The following SNX25 variants were observed in gnomAD, a reference collection of about 807,000 sequenced individuals.
SNX25 encodes sorting nexin 25, also known as sorting nexin-25.
Under a neutral mutation model 113.7 loss-of-function variants are expected in SNX25, and 62 were observed. That is an observed-to-expected ratio of 0.55 (90% CI 0.44 to 0.67). The LOEUF is 0.67. SNX25 is among the 30% of genes least tolerant of loss of function. The pLI, the probability that SNX25 is intolerant of heterozygous loss-of-function variation, is 0.00. For synonymous variants in SNX25, 421 were observed against 436.2 expected (o/e 0.97, Z 0.43); for missense variants, 1,014 against 1,161.0 (o/e 0.87, Z 1.84).
At chr4:185,360,950 T>TATATATATATATATAGATAG (rs1048534398) in intron 16 of SNX25, among the ~76,000 whole-genome samples, 1,783 of 141,368 alleles carry the variant, frequency 0.013, 26 homozygotes, top group African/African-American at 0.039. Context: ...TATATATATA[T>TATATATATATATATAGATAG]ATAGAATCTG....
intron 5 of SNX25, among the ~76,000 whole-genome samples, chr4:185,287,100 T>G (rs1751449394): frequency 6.6e-6 from 1 of 152,224 alleles, no homozygotes; most frequent in Non-Finnish European, 1.5e-5. Context: ...ACCACTTTGA[T>G]TAGGGCAATA....
At chr4:185,341,723 C>G (rs1579856607) in intron 11 of SNX25, among the ~76,000 whole-genome samples, 1 of 152,090 alleles carries the variant, frequency 6.6e-6, no homozygotes, top group Non-Finnish European at 1.5e-5. Flanking sequence ...TTCTGACTTC[C>G]TTTCGTATCA....
At chr4:185,231,604 G>A (rs1037207172) in intron 1 of SNX25, among the ~76,000 whole-genome samples, 11 of 151,726 alleles carry the variant, frequency 7.2e-5, no homozygotes, top group South Asian at 2.1e-4. Context: ...CCAGCTACTC[G>A]GGAGGCTGAG....
intron 6 of SNX25, among the ~76,000 whole-genome samples, chr4:185,302,249 TA>T (rs1753807875): frequency 6.6e-6 from 1 of 152,110 alleles, no homozygotes; most frequent in East Asian, 1.9e-4. Context: ...TAAATGCAAG[TA>T]AGAGTTTCCC....
intron 6 of SNX25, among the ~76,000 whole-genome samples, chr4:185,297,560 T>A (rs1753002293): frequency 6.6e-6 from 1 of 152,194 alleles, no homozygotes; most frequent in Non-Finnish European, 1.5e-5. Flanking sequence ...TCTGTCTCAG[T>A]CAATTCAGGC....
chr4:185,359,887 G>A, intron 16 of SNX25, among the ~76,000 whole-genome samples: 1 of 152,216 alleles, frequency 6.6e-6, no homozygotes, highest in Non-Finnish European at 1.5e-5. Flanking sequence ...CACATGTAGA[G>A]GATTTCCAGG....
intron 1 of SNX25, among the ~76,000 whole-genome samples, chr4:185,225,826 G>C (rs1279645344): frequency 1.3e-5 from 2 of 152,106 alleles, no homozygotes; most frequent in African/African-American, 4.8e-5. Context: ...ATGTGCTCAG[G>C]CTATAAAATC....
chr4:185,342,538 C>CA (rs1397895718), intron 12 of SNX25, among the ~76,000 whole-genome samples: 3 of 150,688 alleles, frequency 2.0e-5, no homozygotes, highest in Admixed American at 1.3e-4. Context: ...ACAAGGGAGG[C>CA]AGTAAGGTGC....
chr4:185,262,571 TGA>T (rs1213915436), intron 3 of SNX25, among the ~76,000 whole-genome samples: 3 of 152,212 alleles, frequency 2.0e-5, no homozygotes, highest in East Asian at 3.9e-4. Flanking sequence ...GAACAGGACT[TGA>T]GAGAGTTACT....
rs556586379 is a variant in SNX25, at chr4:185,341,990, T to C, written c.2061T>C (p.Asn687=). The change falls in exon 12 of 19, where the codon AAT becomes AAC. Residue 687 remains asparagine, a synonymous_variant. Transcript: ENST00000652585. ...SITSGEVTEE[N]GEQLPCYFVM... ...TTTTCCCCAAGGTTACAGAAGAGAA[T>C]GGTGAGCAATTGCCATGTTACTTTG... 2.5e-6 allele frequency: 4 copies of C among 1,601,428 alleles called. No homozygotes were observed. The South Asian group carries it at 4.5e-5, about 18-fold the overall frequency.
intron 12 of SNX25, among the ~76,000 whole-genome samples, chr4:185,344,820 A>G (rs1303196299): frequency 6.6e-6 from 1 of 152,160 alleles, no homozygotes; most frequent in Non-Finnish European, 1.5e-5. Flanking sequence ...TAATTTCTTC[A>G]ACTGCTTTTT....
At chr4:185,288,961 C>T (rs564035199) in intron 6 of SNX25, among the ~76,000 whole-genome samples, 58 of 152,232 alleles carry the variant, frequency 3.8e-4, no homozygotes, top group Non-Finnish European at 7.2e-4. Flanking sequence ...AGAGTTGGGC[C>T]AAAGACATTA....
chr4:185,217,620 A>G (rs1345372679), intron 1 of SNX25, among the ~76,000 whole-genome samples: 2 of 152,162 alleles, frequency 1.3e-5, no homozygotes, highest in Non-Finnish European at 2.9e-5. Context: ...ACGATGTCAC[A>G]TTGGTAATGG....
the SNX25 span, chr4:185,377,458 C>T: frequency 4.2e-5 from 7 of 167,376 alleles, no homozygotes; most frequent in South Asian, 1.6e-4. Flanking sequence ...GCGGAGGCTG[C>T]GGTGAGCCAA....
At chr4:185,254,225 A>G (rs1035575341) in intron 2 of SNX25, among the ~76,000 whole-genome samples, 1 of 148,460 alleles carries the variant, frequency 6.7e-6, no homozygotes, top group East Asian at 1.9e-4. Flanking sequence ...ACATAGCTCT[A>G]TCAATCACAT....
At chr4:185,378,414 T>G in the SNX25 span, 2 of 1,352,386 alleles carry the variant, frequency 1.5e-6, no homozygotes, top group African/African-American at 1.5e-5. Context: ...CCATTCTCCA[T>G]GTCATTTTCC....
chr4:185,378,544 G>A, the SNX25 span: 1 of 1,035,190 alleles, frequency 9.7e-7, no homozygotes, highest in Non-Finnish European at 1.2e-6. Flanking sequence ...TGGTGACACT[G>A]CCCACAGTCA....
At chr4:185,298,099 T>TTTTTTTC (rs962886558) in intron 6 of SNX25, among the ~76,000 whole-genome samples, 10 of 150,556 alleles carry the variant, frequency 6.6e-5, no homozygotes, top group African/African-American at 2.2e-4. Context: ...ACTTCTTTTT[T>TTTTTTTC]TTTTTTTGAG....
intron 1 of SNX25, among the ~76,000 whole-genome samples, chr4:185,216,504 G>A (rs1738845616): frequency 6.9e-6 from 1 of 144,234 alleles, no homozygotes; most frequent in South Asian, 2.3e-4. Flanking sequence ...TGACAAAAGT[G>A]TGTATTTGGT....
Sources: gnomAD v4.1 joint callset for allele counts (sites outside exome capture counted in the v4.1 genomes callset) on GRCh38, gnomAD v4.1.1 for gene constraint, MANE v1.5 for transcripts, NCBI Gene and HGNC (gene_info 2026-07-23, HGNC 2026-07-21) for gene names.